CADM2: variants seen among roughly 807,000 people sequenced by gnomAD.
CADM2 encodes the protein immunoglobulin superfamily member 4D.
In CADM2, 12 loss-of-function variants were observed where a neutral mutation model predicts 49.8. The ratio of observed to expected loss-of-function variants is 0.24; its 90% CI spans 0.15 to 0.39. The LOEUF is 0.39. Among genes scored for constraint, CADM2 ranks in the 10% least tolerant of loss-of-function variants. The probability of loss-of-function intolerance (pLI) is 1.00; values close to 1 mark genes in which losing one functional copy is unlikely to be tolerated. For synonymous variants in CADM2, 214 were observed against 175.4 expected, an observed-to-expected ratio of 1.22 and a Z score of -1.74; for missense variants, 378 against 492.3, an observed-to-expected ratio of 0.77 and a Z score of 2.20.
chr3:85,690,447 T>G (rs1269818143), intron 1 of CADM2, among the ~76,000 whole-genome samples: 1 of 149,632 alleles, frequency 6.7e-6, no homozygotes, highest in Non-Finnish European at 1.5e-5. Context: ...CCTATAAGAT[T>G]CAAAATGATT....
intron 1 of CADM2, among the ~76,000 whole-genome samples, chr3:85,583,256 T>A (rs1193089609): frequency 2.0e-5 from 3 of 152,134 alleles, no homozygotes; most frequent in African/African-American, 7.2e-5. Flanking sequence ...GATGGCTTCA[T>A]TCACTCATTT....
At chr3:85,066,999 A>G (rs181585572) in intron 1 of CADM2, among the ~76,000 whole-genome samples, 1 of 152,150 alleles carries the variant, frequency 6.6e-6, no homozygotes, top group Admixed American at 6.6e-5. Context: ...CTATATTTGT[A>G]TCATTTTGAG....
intron 1 of CADM2, among the ~76,000 whole-genome samples, chr3:85,205,820 T>C (rs745349282): frequency 1.3e-5 from 2 of 152,154 alleles, no homozygotes; most frequent in African/African-American, 4.8e-5. Flanking sequence ...CTTCTGATGA[T>C]TGAACCTGGA....
At chr3:85,931,469 ACT>A (rs1451142643) in intron 6 of CADM2, among the ~76,000 whole-genome samples, 1 of 152,050 alleles carries the variant, frequency 6.6e-6, no homozygotes, top group Non-Finnish European at 1.5e-5. Context: ...AAAGAATATT[ACT>A]TCCACTTATT....
intron 3 of CADM2, among the ~76,000 whole-genome samples, chr3:85,877,046 G>C (rs1711961120): frequency 6.6e-6 from 1 of 152,026 alleles, no homozygotes; most frequent in Non-Finnish European, 1.5e-5. Context: ...TTACTCATTG[G>C]TCATATAGTA....
intron 1 of CADM2, among the ~76,000 whole-genome samples, chr3:85,408,490 A>G (rs139990153): frequency 1.5e-3 from 226 of 152,324 alleles, no homozygotes; most frequent in African/African-American, 5.0e-3. Flanking sequence ...TGATGTTGCA[A>G]AAGCAGAAGG....
chr3:85,279,782 A>G (rs368296653), intron 1 of CADM2, among the ~76,000 whole-genome samples: 1 of 151,604 alleles, frequency 6.6e-6, no homozygotes, highest in South Asian at 2.1e-4. Flanking sequence ...ATTTCTCTAC[A>G]TACTTACCAT....
At chr3:85,274,976 G>T (rs2043323433) in intron 1 of CADM2, among the ~76,000 whole-genome samples, 1 of 151,276 alleles carries the variant, frequency 6.6e-6, no homozygotes, top group African/African-American at 2.4e-5. Context: ...CTTGAGAAGA[G>T]AAACAGCTTG....
intron 3 of CADM2, among the ~76,000 whole-genome samples, chr3:85,853,602 AG>A (rs2075191224): frequency 6.6e-6 from 1 of 151,938 alleles, no homozygotes; most frequent in South Asian, 2.1e-4. Context: ...ACTTCGAAAA[AG>A]AGAAAGTGAG....
At chr3:85,109,675 C>A (rs1404332798) in intron 1 of CADM2, among the ~76,000 whole-genome samples, 1 of 151,790 alleles carries the variant, frequency 6.6e-6, no homozygotes, top group Non-Finnish European at 1.5e-5. Flanking sequence ...TTTTTAATTT[C>A]TAAAAATCAA....
At chr3:85,509,343 C>A (rs1394879710) in intron 1 of CADM2, among the ~76,000 whole-genome samples, 1 of 152,076 alleles carries the variant, frequency 6.6e-6, no homozygotes, top group African/African-American at 2.4e-5. Context: ...GCCAGCACAT[C>A]ATTTTGGAAA....
chr3:85,371,290 A>G (rs143761825), intron 1 of CADM2, among the ~76,000 whole-genome samples: 2 of 152,186 alleles, frequency 1.3e-5, no homozygotes, highest in African/African-American at 2.4e-5. Flanking sequence ...TCCTGCAAAC[A>G]CTATTTGTGG....
chr3:84,965,678 T>C (rs1235950608), intron 1 of CADM2, among the ~76,000 whole-genome samples: 1 of 152,170 alleles, frequency 6.6e-6, no homozygotes, highest in Non-Finnish European at 1.5e-5. Flanking sequence ...GTGTTGGACT[T>C]AATAACTGTT....
At chr3:85,014,113 G>T (rs185598921) in intron 1 of CADM2, among the ~76,000 whole-genome samples, 2 of 143,882 alleles carry the variant, frequency 1.4e-5, no homozygotes, top group Admixed American at 7.2e-5. Flanking sequence ...TTATATATAC[G>T]CAGTGTAATA....
At chr3:85,119,647 C>T (rs1559673402) in intron 1 of CADM2, among the ~76,000 whole-genome samples, 1 of 152,038 alleles carries the variant, frequency 6.6e-6, no homozygotes, top group Admixed American at 6.5e-5. Context: ...GAATGCTTTT[C>T]CATTTGTTTG....
intron 1 of CADM2, among the ~76,000 whole-genome samples, chr3:85,102,234 G>T (rs1322120436): frequency 1.3e-5 from 2 of 151,986 alleles, no homozygotes; most frequent in Non-Finnish European, 2.9e-5. Context: ...CATTTCCGTT[G>T]GTACCTCATT....
At chr3:85,850,388 G>T (rs1435519349) in intron 3 of CADM2, among the ~76,000 whole-genome samples, 1 of 136,186 alleles carries the variant, frequency 7.3e-6, no homozygotes, top group East Asian at 2.3e-4. Context: ...GCAGTGGCGC[G>T]ATCTCGGCTC....
At chr3:85,437,626 C>T (rs1171871913) in intron 1 of CADM2, among the ~76,000 whole-genome samples, 2 of 151,868 alleles carry the variant, frequency 1.3e-5, no homozygotes, top group Non-Finnish European at 2.9e-5. Flanking sequence ...TTTTAATATG[C>T]TTATTTGCCG....
At chr3:85,789,030 TCCC>T in intron 2 of CADM2, among the ~76,000 whole-genome samples, 1 of 152,236 alleles carries the variant, frequency 6.6e-6, no homozygotes, top group Middle Eastern at 3.4e-3. Flanking sequence ...ACACATCATT[TCCC>T]TTTTTTGAGC....
Sources: allele counts gnomAD v4.1 joint callset (sites outside exome capture counted in the v4.1 genomes callset), GRCh38; gene constraint gnomAD v4.1.1; transcripts MANE v1.5; gene names NCBI Gene and HGNC (gene_info 2026-07-23, HGNC 2026-07-21).